The following BRCA2 variants were observed in gnomAD, a reference collection of about 807,000 sequenced individuals.
BRCA2 encodes BRCA2 DNA repair associated.
In BRCA2, 203 loss-of-function variants were observed where a neutral mutation model predicts 276.7. That is an observed-to-expected ratio of 0.73 (90% CI 0.65 to 0.82). BRCA2 has a LOEUF of 0.82. BRCA2 is among the 40% of genes least tolerant of loss of function. The pLI, the probability that BRCA2 is intolerant of heterozygous loss-of-function variation, is 0.00. For missense variants in BRCA2, 3,920 were observed against 3,915.0 expected, an observed-to-expected ratio of 1.00 and a Z score of -0.03; for synonymous variants, 1,289 against 1,338.4, an observed-to-expected ratio of 0.96 and a Z score of 0.81.
Position 32,380,087 on chromosome 13 carries a change from G to C in BRCA2, c.9198G>C (p.Gln3066His), listed in dbSNP as rs745758977. The change falls in exon 24 of 27, where the codon CAG becomes CAC. Residue 3066 changes from glutamine (Q) to histidine (H), a missense_variant. Physicochemically the swap from Gln to His is conservative, Grantham distance 24. This residue lies in a region of BRCA2 where 657 missense variants were observed against 758.2 expected (regional missense o/e 0.87). Coordinates refer to ENST00000380152, the MANE Select transcript of BRCA2 (RefSeq NM_000059.4). ...HFSKFLDPDF[Q>H]PSCSEVDLIG... is the part of the protein sequence containing the mutation. Reference sequence around the variant, plus strand: ...GCAAATTTTTAGATCCAGACTTTCAGCCATCTTGTTCTGAGGTGGACCTAA... The same window carrying C: ...GCAAATTTTTAGATCCAGACTTTCACCCATCTTGTTCTGAGGTGGACCTAA... The C allele has an allele frequency of 1.9e-6, 3 of 1,613,904 alleles. No individual in the cohort carries two copies. The Admixed American group carries it at 5.0e-5, about 27-fold the overall frequency.
chr13:32,319,685 G>A (rs765960591), intron 3 of BRCA2, among the ~76,000 whole-genome samples: 1 of 152,154 alleles, frequency 6.6e-6, no homozygotes, highest in Non-Finnish European at 1.5e-5. Flanking sequence ...TTATTTTACC[G>A]ATATACTATA....
At position 32,339,641 on chromosome 13, in the gene BRCA2, T is replaced by A. The variant is rs80358754; in HGVS notation, c.5286T>A (p.Tyr1762Ter). Residue 1762 changes from tyrosine to a stop codon, truncating the protein, a stop_gained, in exon 11 of 27, where the codon TAT (tyrosine) becomes TAA (stop). Coordinates refer to ENST00000380152, the MANE Select transcript of BRCA2 (RefSeq NM_000059.4). LOFTEE classifies it high-confidence loss of function. ...ATGAGGTATATAATGATTCAGGATA[T>A]CTCTCAAAAAATAAACTTGATTCTG... ...HSDEVYNDSG[Y>*]LSKNKLDSGI... The A allele has an allele frequency of 1.2e-6, 2 of 1,612,312 alleles. No individual in the cohort carries two copies. The highest frequency in any genetic ancestry group is 1.7e-6 in the Non-Finnish European group (2 of 1,178,682).
In BRCA2 at chr13:32,339,040, A is replaced by C. The variant is rs544688816; in HGVS notation, c.4685A>C (p.Gln1562Pro). The C allele has an allele frequency of 2.5e-6, 4 of 1,614,064 alleles. No individual in the cohort carries two copies. The East Asian group carries it at 6.7e-5, about 27-fold the overall frequency. ...GTSEITSFSH[Q>P]WAKTLKYREA... Reference sequence around the variant, plus strand: ...AGTGAAATCACCAGTTTTAGCCATCAATGGGCAAAGACCCTAAAGTACAGA... The same window carrying C: ...AGTGAAATCACCAGTTTTAGCCATCCATGGGCAAAGACCCTAAAGTACAGA... Residue 1562 changes from glutamine to proline, a missense_variant, in exon 11 of 27, where the codon CAA (glutamine) becomes CCA (proline). By Grantham distance (76) the Gln-to-Pro change is moderately conservative. Coordinates refer to ENST00000380152, the MANE Select transcript of BRCA2 (RefSeq NM_000059.4).
chr13:32,399,037 A>C lies in BRCA2; in HGVS notation c.*267A>C, dbSNP rs2073061152. The C allele has an allele frequency of 2.2e-5, 9 of 413,940 alleles. No homozygotes were observed. The highest frequency in any genetic ancestry group is 2.6e-5 in the Non-Finnish European group (6 of 231,708). The allele number at this position is 413,940 out of a possible 1,614,324, so 25.6% of individuals were successfully genotyped here. ...CATCTTTGGCTGAGCTCGGTGGCTC[A>C]TGCCTGTAATCCCAACACTTTGAGA... On this transcript the variant is annotated 3_prime_UTR_variant, in exon 27 of 27. Transcript: ENST00000380152.
At chr13:32,336,027 A>G (rs2072445183) in intron 10 of BRCA2, among the ~76,000 whole-genome samples, 1 of 151,856 alleles carries the variant, frequency 6.6e-6, no homozygotes, top group South Asian at 2.1e-4. Flanking sequence ...CACCACAGGC[A>G]TACACCACCA....
Position 32,332,316 on chromosome 13 carries a change from A to C in BRCA2, c.838A>C (p.Lys280Gln), listed in dbSNP as rs80359085. 6.2e-7 allele frequency: 1 copy of C among 1,606,184 alleles called. No individual in the cohort carries two copies. The highest frequency in any genetic ancestry group is 8.5e-7 in the Non-Finnish European group (1 of 1,176,786). The change falls in exon 10 of 27, where the codon AAA becomes CAA. Residue 280 changes from lysine to glutamine, a missense_variant. Coordinates refer to ENST00000380152, the MANE Select transcript of BRCA2 (RefSeq NM_000059.4). Reference protein sequence around the residue: ...SGNSFKVNSCKDHIGKSMPNV... With the variant: ...SGNSFKVNSCQDHIGKSMPNV... The stretch of plus-strand genomic sequence containing the variant: ...GAATTCATTTAAAGTAAATAGCTGC[A>C]AAGACCACATTGGAAAGTCAATGCC...
At chr13:32,382,990 A>G (rs984811796) in intron 24 of BRCA2, among the ~76,000 whole-genome samples, 8 of 151,568 alleles carry the variant, frequency 5.3e-5, no homozygotes, top group African/African-American at 1.9e-4. Context: ...ATACAAGAGG[A>G]AACTTGTGGC....
At chr13:32,356,821 A>T (rs1458582989) in intron 15 of BRCA2, among the ~76,000 whole-genome samples, 2 of 152,206 alleles carry the variant, frequency 1.3e-5, no homozygotes, top group Non-Finnish European at 2.9e-5. Flanking sequence ...TGTGCTTCCA[A>T]ATTACTACTT....
intron 7 of BRCA2, among the ~76,000 whole-genome samples, chr13:32,328,006 A>C (rs2072362660): frequency 6.6e-6 from 1 of 151,932 alleles, no homozygotes; most frequent in Admixed American, 6.6e-5. Flanking sequence ...ACTTGTCTCA[A>C]ATTCCTGAGC....
chr13:32,325,776 G>A (rs1328703558), intron 4 of BRCA2, among the ~76,000 whole-genome samples: 7 of 151,996 alleles, frequency 4.6e-5, no homozygotes, highest in African/African-American at 1.5e-4. Flanking sequence ...TCCTGACCTC[G>A]TGATCCGCCC....
At chr13:32,326,776 G>A (rs1407347215) in intron 7 of BRCA2, among the ~76,000 whole-genome samples, 163 bp downstream of exon 7, 1 of 151,404 alleles carries the variant, frequency 6.6e-6, no homozygotes, top group Non-Finnish European at 1.5e-5. Flanking sequence ...AGTGTAGATT[G>A]GAATAAATAC....
At chr13:32,357,692 A>G (rs762838421) in intron 15 of BRCA2, 50 bp from the exon 16 acceptor site, 1 of 1,564,170 alleles carries the variant, frequency 6.4e-7, no homozygotes, top group African/African-American at 1.4e-5. Context: ...TGTGTGATAC[A>G]TGTTTACTTT....
At chr13:32,377,868 A>C (rs980579684) in intron 21 of BRCA2, among the ~76,000 whole-genome samples, 1 of 152,202 alleles carries the variant, frequency 6.6e-6, no homozygotes, top group Non-Finnish European at 1.5e-5. Context: ...AATCTTGTGA[A>C]TATAGCCTTA....
chr13:32,323,407 C>T (rs911694445), intron 3 of BRCA2, among the ~76,000 whole-genome samples: 2 of 152,180 alleles, frequency 1.3e-5, no homozygotes, highest in African/African-American at 4.8e-5. Context: ...CTCGCCTCGG[C>T]CTCCCAAAGT....
chr13:32,341,096 T>A lies in BRCA2; in HGVS notation c.6741T>A (p.Ser2247Arg), dbSNP rs80358898. 7.4e-6 allele frequency: 12 copies of A among 1,613,984 alleles called. No individual in the cohort carries two copies. Among genetic ancestry groups the A allele is most frequent in the Non-Finnish European group, 9.3e-6 (11 of 1,179,930 alleles). ...AACTGACAGATTCTAAACTGCCAAG[T>A]CATGCCACACATTCTCTTTTTACAT... is the stretch of plus-strand genomic sequence containing the variant. ...DDELTDSKLPSHATHSLFTCP... is the reference protein window; with the variant it reads ...DDELTDSKLPRHATHSLFTCP... The change falls in exon 11 of 27, where the codon AGT becomes AGA. Residue 2247 changes from serine (S) to arginine (R), a missense_variant. Ser to Arg is a moderately radical substitution (Grantham distance 110). Around this residue, in one of 2 missense-constraint regions of BRCA2, gnomAD observed 3,263 missense variants for 3,156.9 expected, o/e 1.03. Coordinates refer to ENST00000380152, the MANE Select transcript of BRCA2 (RefSeq NM_000059.4).
At chr13:32,374,890 A>G (rs111444766) in intron 20 of BRCA2, among the ~76,000 whole-genome samples, 392 of 152,338 alleles carry the variant, frequency 2.6e-3, no homozygotes, top group Non-Finnish European at 4.5e-3. Flanking sequence ...GTATTAGTTC[A>G]TCCTCATACT....
intron 13 of BRCA2, among the ~76,000 whole-genome samples, chr13:32,350,626 G>C (rs368728028): frequency 6.6e-6 from 1 of 152,004 alleles, no homozygotes; most frequent in Non-Finnish European, 1.5e-5. Flanking sequence ...AGTGGTGGGC[G>C]CCTGTAGTCC....
chr13:32,320,777 A>C (rs1426384519), intron 3 of BRCA2, among the ~76,000 whole-genome samples: 1 of 152,212 alleles, frequency 6.6e-6, no homozygotes, highest in African/African-American at 2.4e-5. Flanking sequence ...ATATTTGTAG[A>C]GTGAGTATTA....
chr13:32,333,768 C>T (rs180818019), intron 10 of BRCA2, among the ~76,000 whole-genome samples: 1 of 152,130 alleles, frequency 6.6e-6, no homozygotes, highest in Non-Finnish European at 1.5e-5. Flanking sequence ...TCCTTCCCCC[C>T]ACACACCCCC....
Sources: gnomAD v4.1 joint callset for allele counts (sites outside exome capture counted in the v4.1 genomes callset) on GRCh38, gnomAD v4.1.1 for gene constraint, gnomAD v4.1.1 regional missense constraint, MANE v1.5 for transcripts, NCBI Gene and HGNC (gene_info 2026-07-23, HGNC 2026-07-21) for gene names.